Variants in EXOC2 observed in about 807,000 individuals in gnomAD.
EXOC2 encodes SEC5-like 1.
A neutral mutation model predicts 131.8 loss-of-function variants in EXOC2; 70 were observed. That is an observed-to-expected ratio of 0.53 (90% CI 0.44 to 0.65). The LOEUF (loss-of-function observed/expected upper bound fraction) is 0.65. Among genes scored for constraint, EXOC2 ranks in the 30% least tolerant of loss-of-function variants. The probability of loss-of-function intolerance (pLI) is 0.00; values close to 1 mark genes in which losing one functional copy is unlikely to be tolerated. For synonymous variants in EXOC2, 411 were observed against 398.4 expected (o/e 1.03, Z -0.38); for missense variants, 923 against 1,108.6 (o/e 0.83, Z 2.38).
chr6:583,765 G>A (rs1357785163), intron 11 of EXOC2, among the ~76,000 whole-genome samples: 1 of 152,198 alleles, frequency 6.6e-6, no homozygotes, highest in Non-Finnish European at 1.5e-5. Context: ...GAAAAACTCT[G>A]TCATCACAGC....
chr6:492,282 A>C (rs1252365588), intron 25 of EXOC2, among the ~76,000 whole-genome samples: 1 of 152,232 alleles, frequency 6.6e-6, no homozygotes, highest in Non-Finnish European at 1.5e-5. Flanking sequence ...GTGAGGATGT[A>C]GAGACATTGG....
At chr6:671,880 A>C (rs1763889591) in intron 1 of EXOC2, among the ~76,000 whole-genome samples, 1 of 152,088 alleles carries the variant, frequency 6.6e-6, no homozygotes. Context: ...TACAGTTTGA[A>C]TACAATATGC....
intron 1 of EXOC2, among the ~76,000 whole-genome samples, chr6:675,559 A>G (rs1242634681): frequency 1.8e-5 from 1 of 54,716 alleles, no homozygotes; most frequent in Non-Finnish European, 4.7e-5. Flanking sequence ...GGTTCCCCAT[A>G]CTCTTCAACA....
At chr6:623,876 T>C (rs1381273502) in intron 4 of EXOC2, among the ~76,000 whole-genome samples, 4 of 152,170 alleles carry the variant, frequency 2.6e-5, no homozygotes, top group Admixed American at 2.6e-4. Context: ...TTATGTCCAG[T>C]TTCAACCACA....
At chr6:671,388 TTTAAG>T (rs1763862682) in intron 1 of EXOC2, among the ~76,000 whole-genome samples, 3 of 152,052 alleles carry the variant, frequency 2.0e-5, no homozygotes, top group Admixed American at 6.5e-5. Context: ...CTATTTGTTT[TTTAAG>T]CCAACAATTC....
intron 3 of EXOC2, among the ~76,000 whole-genome samples, chr6:632,339 T>G (rs1761896354): frequency 6.6e-6 from 1 of 152,172 alleles, no homozygotes. Context: ...GAGCATGACT[T>G]CTCAGACCAA....
rs541260958 is a variant in EXOC2 at position 490,084 on chromosome 6, T to C, written c.2621+1041A>G. ...TCTTATGAACCTCTTTTTGATTAAT[T>C]GAAAGAAATGTGATGTAATTGTTTT... On this transcript the variant is annotated intron_variant, in intron 26 of 27. Coordinates refer to ENST00000230449, the MANE Select transcript of EXOC2 (RefSeq NM_018303.6). 2.0e-5 allele frequency among the ~76,000 whole-genome samples: 3 copies of C among 152,308 alleles called. No homozygotes were observed. The South Asian group carries it at 6.2e-4, about 32-fold the overall frequency.
intron 23 of EXOC2, among the ~76,000 whole-genome samples, chr6:520,563 C>T (rs1322963443): frequency 9.6e-4 from 1 of 1,040 alleles, no homozygotes; most frequent in Non-Finnish European, 1.9e-3. Flanking sequence ...CACTCGGAGA[C>T]GAGAACCACC....
At chr6:523,715 TC>T (rs1765602957) in intron 23 of EXOC2, among the ~76,000 whole-genome samples, 1 of 152,232 alleles carries the variant, frequency 6.6e-6, no homozygotes, top group South Asian at 2.1e-4. Flanking sequence ...ACAGGGTCTC[TC>T]CCTGTTGCCC....
At position 488,449 on chromosome 6, in the gene EXOC2, G is replaced by A. The variant is rs1165602249; in HGVS notation, c.2681+530C>T. ...TATGAGTAGTAAAGTTTAAATTCAG[G>A]TTGAGATCATCAGTGTGGTCTAATG... On this transcript the variant is annotated intron_variant, in intron 27 of 27. Coordinates refer to ENST00000230449, the MANE Select transcript of EXOC2 (RefSeq NM_018303.6). Among the ~76,000 whole-genome samples, 4 of 152,088 alleles carry A rather than the reference G, an allele frequency of 2.6e-5. No homozygotes were observed. In the South Asian group the frequency reaches 6.2e-4, roughly 24 times the overall value.
intron 23 of EXOC2, among the ~76,000 whole-genome samples, chr6:507,606 G>A (rs1411365793): frequency 6.6e-6 from 1 of 152,144 alleles, no homozygotes; most frequent in Non-Finnish European, 1.5e-5. Flanking sequence ...GATCCCCTTT[G>A]CATGTGGGTG....
intron 14 of EXOC2, 34 bp from the exon 15 acceptor site, chr6:564,736 A>T (rs754394994): frequency 1.3e-6 from 2 of 1,578,472 alleles, no homozygotes; most frequent in East Asian, 4.5e-5. Context: ...ACCGTGTTCA[A>T]ATGTGATTAA....
intron 25 of EXOC2, among the ~76,000 whole-genome samples, chr6:491,931 A>C (rs1763457509): frequency 6.6e-6 from 1 of 152,264 alleles, no homozygotes; most frequent in South Asian, 2.1e-4. Flanking sequence ...TCTGTTCAAC[A>C]AATGGTGCTA....
At chr6:595,731 A>T (rs1581517771) in intron 10 of EXOC2, among the ~76,000 whole-genome samples, 1 of 152,192 alleles carries the variant, frequency 6.6e-6, no homozygotes, top group East Asian at 1.9e-4. Flanking sequence ...CCAGAAATAT[A>T]CAAAGCACAC....
intron 23 of EXOC2, among the ~76,000 whole-genome samples, chr6:517,264 G>A (rs1429913641): frequency 4.6e-5 from 7 of 152,052 alleles, no homozygotes; most frequent in Non-Finnish European, 1.0e-4. Flanking sequence ...TGTGGAACAT[G>A]GCACCCTATG....
intron 1 of EXOC2, among the ~76,000 whole-genome samples, chr6:674,237 A>T (rs574965003): frequency 6.6e-4 from 101 of 152,332 alleles, no homozygotes; most frequent in Middle Eastern, 3.4e-3. Context: ...TAATTACAGA[A>T]CAAGTGTTGG....
At chr6:656,399 T>C in intron 1 of EXOC2, 1 of 1,614,188 alleles carries the variant, frequency 6.2e-7, no homozygotes, top group Middle Eastern at 1.6e-4. Flanking sequence ...TGAGGTTTGC[T>C]TCCACCAGCA....
intron 6 of EXOC2, among the ~76,000 whole-genome samples, chr6:614,507 C>T (rs572373311): frequency 6.6e-6 from 1 of 152,274 alleles, no homozygotes; most frequent in South Asian, 2.1e-4. Context: ...CTGTAATTTC[C>T]CTGTAATGAA....
chr6:564,897 T>C lies in EXOC2; in HGVS notation c.1476A>G (p.Ser492=). The change falls in exon 14 of 28, where the codon TCA becomes TCG. Residue 492 remains serine, a synonymous_variant. Coordinates refer to ENST00000230449, the MANE Select transcript of EXOC2 (RefSeq NM_018303.6). ...CATTTTGTCTTTGCCTTACATTCTT[T>C]GATCTTTCAATCTGGCCTGACTTCT... ...TAEKSGQIER[S]KNVRQRQNDF... is the part of the protein sequence containing the mutation. The C allele has an allele frequency of 1.2e-6, 2 of 1,612,956 alleles. No homozygotes were observed. Among genetic ancestry groups the C allele is most frequent in the South Asian group, 1.1e-5 (1 of 90,692 alleles).
Sources: allele counts gnomAD v4.1 joint callset (sites outside exome capture counted in the v4.1 genomes callset), GRCh38; gene constraint gnomAD v4.1.1; transcripts MANE v1.5; gene names NCBI Gene and HGNC (gene_info 2026-07-23, HGNC 2026-07-21).